The following VPS13B variants were observed in gnomAD, a reference collection of about 807,000 sequenced individuals.
The protein encoded by VPS13B is vacuolar protein sorting 13 homolog B.
Under a neutral mutation model 426.4 loss-of-function variants are expected in VPS13B, and 285 were observed. The ratio of observed to expected loss-of-function variants is 0.67; its 90% CI spans 0.61 to 0.74. The LOEUF (loss-of-function observed/expected upper bound fraction) is 0.74, where lower values mean the gene tolerates loss of function less well. VPS13B is among the 30% of genes least tolerant of loss of function. VPS13B has a pLI of 0.00. For missense variants in VPS13B, 4,537 were observed against 4,782.6 expected (o/e 0.95, Z 1.51); for synonymous variants, 1,676 against 1,676.4 (o/e 1.00, Z 0.01).
chr8:99,312,669 G>A (rs1276209872), intron 19 of VPS13B, among the ~76,000 whole-genome samples: 1 of 152,170 alleles, frequency 6.6e-6, no homozygotes, highest in East Asian at 1.9e-4. Context: ...CTCTTGAGGA[G>A]TATCTTTGTG....
chr8:99,211,245 T>C (rs887263212), intron 17 of VPS13B, among the ~76,000 whole-genome samples: 1 of 152,202 alleles, frequency 6.6e-6, no homozygotes, highest in Non-Finnish European at 1.5e-5. Context: ...GCAGTCACTC[T>C]ACTTACACTT....
At chr8:99,110,707 A>G (rs1257874656) in intron 5 of VPS13B, among the ~76,000 whole-genome samples, 1 of 151,990 alleles carries the variant, frequency 6.6e-6, no homozygotes, top group Non-Finnish European at 1.5e-5. Context: ...TGAATGTTAA[A>G]TGAATGACTT....
intron 17 of VPS13B, among the ~76,000 whole-genome samples, chr8:99,245,310 A>G (rs757146869): frequency 9.2e-5 from 14 of 152,160 alleles, no homozygotes; most frequent in Non-Finnish European, 2.1e-4. Context: ...TGTGCCTTGT[A>G]CTTATTTAAA....
At chr8:99,693,749 T>A (rs1230241141) in intron 35 of VPS13B, among the ~76,000 whole-genome samples, 1 of 144,680 alleles carries the variant, frequency 6.9e-6, no homozygotes, top group Non-Finnish European at 1.5e-5. Flanking sequence ...AAAGAGGAAG[T>A]CAAATTGTCC....
intron 23 of VPS13B, among the ~76,000 whole-genome samples, chr8:99,446,309 T>TA (rs1400416697): frequency 1.3e-5 from 2 of 152,184 alleles, no homozygotes; most frequent in Non-Finnish European, 2.9e-5. Context: ...TCATTAAAGA[T>TA]ACTGTTGTGC....
In VPS13B at chr8:99,287,218, GTATC is replaced by G. The variant is rs201788276; in HGVS notation, c.2824+11970_2824+11973del. Reference sequence around the variant, plus strand: ...GTATTAAGGAGATATATGTGTGTGTGTATCTATCTGTCTGTCTATCTATCTATCT... The same window carrying G: ...GTATTAAGGAGATATATGTGTGTGTGTATCTGTCTGTCTATCTATCTATCT... On this transcript the variant is annotated intron_variant, in intron 19 of 61. Coordinates refer to ENST00000357162, the MANE Select transcript of VPS13B (RefSeq NM_152564.5). Among the ~76,000 whole-genome samples, 10 of 141,560 alleles carry G rather than the reference GTATC, an allele frequency of 7.1e-5. 1 individual carries two copies. Among genetic ancestry groups the G allele is most frequent in the East Asian group, 4.4e-4 (2 of 4,532 alleles). 92.9% of individuals were successfully genotyped at this position (141,560 alleles called of 152,430 possible).
At chr8:99,151,781 C>T (rs1056169295) in intron 14 of VPS13B, among the ~76,000 whole-genome samples, 5 of 152,098 alleles carry the variant, frequency 3.3e-5, no homozygotes, top group African/African-American at 1.2e-4. Flanking sequence ...GATCTGCCCA[C>T]CTTGGCCTCC....
intron 19 of VPS13B, among the ~76,000 whole-genome samples, chr8:99,310,797 G>T (rs915245990): frequency 6.6e-6 from 1 of 151,596 alleles, no homozygotes; most frequent in Non-Finnish European, 1.5e-5. Context: ...GTAGAATTTG[G>T]CTGTGAATCC....
At chr8:99,563,606 C>T (rs898750480) in intron 31 of VPS13B, among the ~76,000 whole-genome samples, 2 of 152,114 alleles carry the variant, frequency 1.3e-5, no homozygotes, top group African/African-American at 4.8e-5. Context: ...GGCTTCTGAA[C>T]TTGTTTCCAC....
intron 35 of VPS13B, among the ~76,000 whole-genome samples, chr8:99,664,410 G>A (rs959878385): frequency 2.0e-5 from 3 of 151,602 alleles, no homozygotes; most frequent in Admixed American, 6.6e-5. Context: ...TTGGTGTGCT[G>A]CACCCATTAA....
chr8:99,327,414 C>G (rs907404545), intron 19 of VPS13B, among the ~76,000 whole-genome samples: 2 of 152,226 alleles, frequency 1.3e-5, no homozygotes, highest in Non-Finnish European at 2.9e-5. Flanking sequence ...TAAATGGCAG[C>G]TAGCCAGTCA....
intron 54 of VPS13B, 60 bp downstream of exon 54, chr8:99,835,798 G>A: frequency 6.5e-7 from 1 of 1,539,188 alleles, no homozygotes; most frequent in East Asian, 2.3e-5. Context: ...CTGAGGTTTT[G>A]TCAGTTGCCT....
At chr8:99,478,542 G>A (rs1345913127) in intron 24 of VPS13B, among the ~76,000 whole-genome samples, 11 of 148,222 alleles carry the variant, frequency 7.4e-5, no homozygotes, top group Admixed American at 4.7e-4. Context: ...CCGCCTCCTG[G>A]GTTCAAGCAA....
rs775968912 is a variant in VPS13B at position 99,615,537 on chromosome 8, A to G, written c.5221-26274A>G. On this transcript the variant is annotated intron_variant, in intron 33 of 61. Coordinates refer to ENST00000357162, the MANE Select transcript of VPS13B (RefSeq NM_152564.5). ...TATCACTGCTAGAATCTGCTACCAT[A>G]GATTAATTTGTAAGTTTTTAAAAAC... is the stretch of plus-strand genomic sequence containing the variant. Among the ~76,000 whole-genome samples, 73 of 152,358 alleles carry G rather than the reference A, an allele frequency of 4.8e-4. 3 individuals are homozygous for G. Among genetic ancestry groups the G allele is most frequent in the Admixed American group, 2.6e-4 (4 of 15,306 alleles).
chr8:99,199,372 C>T (rs1264440175), intron 17 of VPS13B, among the ~76,000 whole-genome samples: 2 of 151,684 alleles, frequency 1.3e-5, no homozygotes, highest in African/African-American at 2.4e-5. Flanking sequence ...GGGGTTTCAC[C>T]GTGTTAGCCA....
chr8:99,204,608 T>A (rs1188607471), intron 17 of VPS13B, among the ~76,000 whole-genome samples: 1 of 152,124 alleles, frequency 6.6e-6, no homozygotes. Flanking sequence ...GTAATCTGTT[T>A]ATTTGACAAA....
At chr8:99,769,120 C>A (rs1314885025) in intron 40 of VPS13B, among the ~76,000 whole-genome samples, 4 of 152,128 alleles carry the variant, frequency 2.6e-5, no homozygotes, top group Non-Finnish European at 4.4e-5. Flanking sequence ...CAAATTCAGG[C>A]AGTTTTTCAC....
At chr8:99,453,435 G>A (rs900698237) in intron 23 of VPS13B, among the ~76,000 whole-genome samples, 5 of 152,148 alleles carry the variant, frequency 3.3e-5, no homozygotes, top group African/African-American at 9.7e-5. Context: ...GGGAACAATC[G>A]TGTATGTATT....
intron 30 of VPS13B, among the ~76,000 whole-genome samples, chr8:99,538,330 G>A (rs547590073): frequency 2.6e-5 from 4 of 152,168 alleles, no homozygotes; most frequent in East Asian, 3.9e-4. Flanking sequence ...TATTTATTCA[G>A]TTTAAAATAT....
Sources: allele counts gnomAD v4.1 joint callset (sites outside exome capture counted in the v4.1 genomes callset), GRCh38; gene constraint gnomAD v4.1.1; transcripts MANE v1.5; gene names NCBI Gene and HGNC (gene_info 2026-07-23, HGNC 2026-07-21).